C7: variants seen among roughly 807,000 people sequenced by gnomAD.
The protein encoded by C7 is complement C7.
A neutral mutation model predicts 104.8 loss-of-function variants in C7; 83 were observed. That is an observed-to-expected ratio of 0.79 (90% CI 0.66 to 0.95). The LOEUF is 0.95. Ranked by LOEUF, C7 falls within the 40% of genes least tolerant of loss-of-function variation. The pLI is 0.00. For synonymous variants in C7, 415 were observed against 360.6 expected, an observed-to-expected ratio of 1.15 and a Z score of -1.71; for missense variants, 1,070 against 1,011.2, an observed-to-expected ratio of 1.06 and a Z score of -0.79.
Position 40,984,202 on chromosome 5 carries a change from C to T in C7, c.*2629C>T, listed in dbSNP as rs571511685. Among the ~76,000 whole-genome samples, 509 of 152,300 alleles carry T rather than the reference C, an allele frequency of 3.3e-3. 2 individuals carry two copies. Among genetic ancestry groups the T allele is most frequent in the Middle Eastern group, 0.02 (6 of 294 alleles). On this transcript the variant is annotated 3_prime_UTR_variant, in exon 18 of 18. Coordinates refer to ENST00000313164, the MANE Select transcript of C7 (RefSeq NM_000587.4). Reference sequence around the variant, plus strand: ...GCCCTGAGATTTAATGAGCCCCATTCAAACTGTTATTAATGTAACCTTCTT... The same window carrying T: ...GCCCTGAGATTTAATGAGCCCCATTTAAACTGTTATTAATGTAACCTTCTT...
chr5:40,979,367 A>G (rs550599639), intron 16 of C7, among the ~76,000 whole-genome samples: 1 of 152,266 alleles, frequency 6.6e-6, no homozygotes, highest in East Asian at 1.9e-4. Flanking sequence ...CTATGATCAC[A>G]TTGAATGCTT....
chr5:40,972,435 G>A lies in C7; in HGVS notation c.1915G>A (p.Gly639Ser). 1.2e-6 allele frequency: 2 copies of A among 1,613,816 alleles called. No individual in the cohort carries two copies. Among genetic ancestry groups the A allele is most frequent in the Non-Finnish European group, 1.7e-6 (2 of 1,179,786 alleles). The change falls in exon 15 of 18, where the codon GGC becomes AGC. Residue 639 changes from glycine (G) to serine (S), a missense_variant. Transcript: ENST00000313164. Reference protein sequence around the residue: ...IACVLPVLMDGIQSHPQKPFY... With the variant: ...IACVLPVLMDSIQSHPQKPFY... ...CTGTGTTCTACCTGTACTGATGGAT[G>A]GCATACAGAGTCACCCCCAAAAACC... is the stretch of plus-strand genomic sequence containing the variant.
At chr5:40,978,146 A>G in intron 16 of C7, among the ~76,000 whole-genome samples, 1 of 150,172 alleles carries the variant, frequency 6.7e-6, no homozygotes, top group African/African-American at 2.5e-5. Context: ...AAAAGAAAAA[A>G]AAAAAAAAAA....
At chr5:40,910,051 A>G (rs1739175472) in intron 1 of C7, among the ~76,000 whole-genome samples, 1 of 151,080 alleles carries the variant, frequency 6.6e-6, no homozygotes, top group Admixed American at 6.6e-5. Flanking sequence ...GAGCTAATAG[A>G]AAAGCAAATT....
chr5:40,974,845 C>T (rs1253943335), intron 15 of C7, among the ~76,000 whole-genome samples: 1 of 152,132 alleles, frequency 6.6e-6, no homozygotes, highest in African/African-American at 2.4e-5. Context: ...TTTGGTACAT[C>T]TAGATTAAGG....
At position 40,975,701 on chromosome 5, in the gene C7, C is replaced by T. The variant is rs540446526; in HGVS notation, c.2075-1049C>T. 1.9e-3 allele frequency among the ~76,000 whole-genome samples: 289 copies of T among 152,220 alleles called. 1 individual carries two copies. The highest frequency in any genetic ancestry group is 3.4e-3 in the Non-Finnish European group (234 of 68,008). ...TTAATAATGAATCTTGTTATTGAGA[C>T]TGCTGACCATGGCAGGCATACTTCA... On this transcript the variant is annotated intron_variant, in intron 15 of 17. Coordinates refer to ENST00000313164, the MANE Select transcript of C7 (RefSeq NM_000587.4).
chr5:40,931,013 C>CT, intron 2 of C7, 51 bp from the exon 3 acceptor site: 1 of 1,233,020 alleles, frequency 8.1e-7, no homozygotes, highest in East Asian at 2.3e-5. Flanking sequence ...TTTGTGTTCC[C>CT]TTGCGTATCT....
chr5:40,981,483 G>A lies in C7; in HGVS notation c.2442G>A (p.Thr814=), dbSNP rs374829582. Residue 814 remains threonine (T), a synonymous_variant, in exon 18 of 18, where the codon ACG becomes ACA. Coordinates refer to ENST00000313164, the MANE Select transcript of C7 (RefSeq NM_000587.4). ...ICVEVNGKEQ[T]MSECEAGALR... is the part of the protein sequence containing the mutation. The stretch of plus-strand genomic sequence containing the variant: ...TGGAAGTGAACGGCAAGGAGCAGAC[G>A]ATGTCTGAGTGTGAGGCGGGCGCTC... 18 of 1,613,672 alleles carry A rather than the reference G, an allele frequency of 1.1e-5. No individual in the cohort carries two copies. The East Asian group carries it at 1.3e-4, about 12-fold the overall frequency.
At chr5:40,910,263 G>A (rs10064232) in intron 1 of C7, among the ~76,000 whole-genome samples, 6,353 of 152,114 alleles carry the variant, frequency 0.042, 438 homozygotes, top group African/African-American at 0.14. Context: ...GATAGAAATC[G>A]CTATCATAGA....
intron 3 of C7, among the ~76,000 whole-genome samples, chr5:40,931,934 A>AT (rs1160251529): frequency 2.6e-5 from 4 of 151,912 alleles, no homozygotes; most frequent in African/African-American, 4.8e-5. Flanking sequence ...AATTTTTTGT[A>AT]TTTTTAGTAG....
At chr5:40,915,873 A>G (rs1739306729) in intron 1 of C7, among the ~76,000 whole-genome samples, 1 of 152,264 alleles carries the variant, frequency 6.6e-6, no homozygotes, top group South Asian at 2.1e-4. Flanking sequence ...GGATAGTGGA[A>G]AGATCCAGAA....
intron 1 of C7, among the ~76,000 whole-genome samples, chr5:40,925,338 C>A (rs1739529882): frequency 6.6e-6 from 1 of 152,140 alleles, no homozygotes; most frequent in African/African-American, 2.4e-5. Context: ...AAGACAAAAC[C>A]AGGTGACTTT....
At chr5:40,943,927 G>A (rs1452003137) in intron 6 of C7, among the ~76,000 whole-genome samples, 2 of 152,070 alleles carry the variant, frequency 1.3e-5, no homozygotes, top group Non-Finnish European at 2.9e-5. Context: ...GTGTATTTCT[G>A]TCTTGTATTT....
chr5:40,918,495 T>C (rs1435144336), intron 1 of C7, among the ~76,000 whole-genome samples: 1 of 152,022 alleles, frequency 6.6e-6, no homozygotes, highest in African/African-American at 2.4e-5. Flanking sequence ...AGTAAAAAGA[T>C]ATAGAGTAAG....
intron 1 of C7, among the ~76,000 whole-genome samples, chr5:40,928,365 T>G (rs1410061082): frequency 6.6e-6 from 1 of 152,132 alleles, no homozygotes; most frequent in Non-Finnish European, 1.5e-5. Context: ...ATTTCAAAAT[T>G]GCCAAAAGTA....
At chr5:40,960,684 A>C (rs563122960) in intron 12 of C7, among the ~76,000 whole-genome samples, 2 of 152,240 alleles carry the variant, frequency 1.3e-5, no homozygotes, top group East Asian at 1.9e-4. Flanking sequence ...TTCTCAGTAC[A>C]AATAGGAAAA....
At chr5:40,923,014 A>C (rs1739473575) in intron 1 of C7, among the ~76,000 whole-genome samples, 1 of 152,214 alleles carries the variant, frequency 6.6e-6, no homozygotes, top group South Asian at 2.1e-4. Context: ...AAAGCAAACA[A>C]TCAAAAGAGT....
chr5:40,937,800 C>A, intron 6 of C7, 110 bp downstream of exon 6: 1 of 893,028 alleles, frequency 1.1e-6, no homozygotes, highest in Non-Finnish European at 1.6e-6. Flanking sequence ...AATGTGTGGT[C>A]AATTTTTATA....
At chr5:40,942,224 G>A (rs1417902564) in intron 6 of C7, among the ~76,000 whole-genome samples, 1 of 152,130 alleles carries the variant, frequency 6.6e-6, no homozygotes, top group Non-Finnish European at 1.5e-5. Flanking sequence ...TAGGAAAGAA[G>A]GAATATATAG....
Sources: gnomAD v4.1 joint callset for allele counts (sites outside exome capture counted in the v4.1 genomes callset) on GRCh38, gnomAD v4.1.1 for gene constraint, MANE v1.5 for transcripts, NCBI Gene and HGNC (gene_info 2026-07-23, HGNC 2026-07-21) for gene names.